Variants in KIF26A observed in about 807,000 individuals in gnomAD.
KIF26A encodes kinesin-like protein KIF26A.
KIF26A carries 74 observed loss-of-function variants against 126.0 expected under a neutral mutation model. That is an observed-to-expected ratio of 0.59 (90% confidence interval 0.49 to 0.71). The LOEUF is 0.71. KIF26A is among the 30% of genes least tolerant of loss of function. The pLI is 0.00. For synonymous variants in KIF26A, 1,445 were observed against 1,232.7 expected, an observed-to-expected ratio of 1.17 and a Z score of -3.61; for missense variants, 2,984 against 2,763.3, an observed-to-expected ratio of 1.08 and a Z score of -1.79.
intron 5 of KIF26A, among the ~76,000 whole-genome samples, chr14:104,168,478 G>A (rs1184708322): frequency 1.3e-5 from 2 of 152,210 alleles, no homozygotes; most frequent in East Asian, 1.9e-4. Flanking sequence ...GGGGCGGCCT[G>A]TGGGGCAGAC....
At chr14:104,139,412 C>T (rs2037615671) in intron 2 of KIF26A, 124 bp downstream of exon 2, 1 of 1,199,608 alleles carries the variant, frequency 8.3e-7, no homozygotes, top group Non-Finnish European at 1.1e-6. Flanking sequence ...AAAGAGTTAT[C>T]AGCCAGGACT....
In KIF26A at chr14:104,176,201, T is replaced by A. The variant is rs768012572; in HGVS notation, c.3413T>A (p.Leu1138Gln). 2.5e-6 allele frequency: 4 copies of A among 1,601,086 alleles called. No individual in the cohort carries two copies. In the South Asian group the frequency reaches 4.5e-5, roughly 18 times the overall value. Residue 1138 changes from leucine to glutamine, a missense_variant, in exon 12 of 15, where the codon CTG becomes CAG. Transcript: ENST00000423312. ...CAGCCCCGCTTCAGCCCCGACTCGC[T>A]GGCAGGGCTTGACCCTGGGGGCCCC... ...TPQPRFSPDS[L>Q]AGLDPGGPPA...
intron 5 of KIF26A, among the ~76,000 whole-genome samples, chr14:104,167,973 C>T (rs1428128627): frequency 2.0e-5 from 3 of 152,198 alleles, no homozygotes; most frequent in Non-Finnish European, 2.9e-5. Flanking sequence ...CTGGAGGGGA[C>T]GCTGTGCCCA....
rs757967402 is a variant in KIF26A, at chr14:104,175,656, T to G, written c.2868T>G (p.Pro956=). 1 of 1,609,508 alleles carries G rather than the reference T, an allele frequency of 6.2e-7. No individual in the cohort carries two copies. Among genetic ancestry groups the G allele is most frequent in the Non-Finnish European group, 8.5e-7 (1 of 1,179,076 alleles). Residue 956 remains proline, a synonymous_variant, in exon 12 of 15, where the codon CCT becomes CCG. Transcript: ENST00000423312. The stretch of plus-strand genomic sequence containing the variant: ...TGCCCAGCCCGGCTCCCCCACCTCC[T>G]CAGTTGCTGGAAGCCTGCAGAGCCC... ...RPLPSPAPPP[P]QLLEACRAPE...
chr14:104,151,394 G>C lies in KIF26A; in HGVS notation c.289-621G>C, dbSNP rs1397039172. Reference sequence around the variant, plus strand: ...GGGTGGGGGAGCTGGTGGAGTGTGCGGCGGGGGGTGGGGCCCTGGGCTGTA... The same window carrying C: ...GGGTGGGGGAGCTGGTGGAGTGTGCCGCGGGGGGTGGGGCCCTGGGCTGTA... On this transcript the variant is annotated intron_variant, in intron 2 of 14. Coordinates refer to ENST00000423312, the MANE Select transcript of KIF26A (RefSeq NM_015656.2). This position sits in a 1 kb window ranked among gnomAD's most constrained non-coding sequence, Gnocchi z 4.9. Among the ~76,000 whole-genome samples, 1 of 152,136 alleles carries C rather than the reference G, an allele frequency of 6.6e-6. No homozygotes were observed. The highest frequency in any genetic ancestry group is 1.5e-5 in the Non-Finnish European group (1 of 67,988).
intron 7 of KIF26A, 75 bp from the exon 8 acceptor site, chr14:104,172,902 C>T: frequency 6.9e-7 from 1 of 1,455,630 alleles, no homozygotes; most frequent in South Asian, 1.4e-5. Flanking sequence ...CCCTGGTTGG[C>T]CCCCGGGGAC....
rs778648532 is a variant in KIF26A at position 104,177,717 on chromosome 14, C to T, written c.4929C>T (p.Pro1643=). ...NSSVLSGELP[P]AMGRTALFHH... is the part of the protein sequence containing the mutation. ...GCGTGCTGAGTGGAGAGCTGCCGCC[C>T]GCCATGGGCCGCACCGCCCTTTTCC... The change falls in exon 12 of 15, where the codon CCC becomes CCT. Residue 1643 remains proline, a synonymous_variant. Transcript: ENST00000423312. 287 of 1,535,086 alleles carry T rather than the reference C, an allele frequency of 1.9e-4. No individual in the cohort carries two copies. Among genetic ancestry groups the T allele is most frequent in the Admixed American group, 5.1e-4 (26 of 51,088 alleles).
At position 104,173,526 on chromosome 14, in the gene KIF26A, C is replaced by A; in HGVS notation, c.1867+13C>A. The A allele has an allele frequency of 6.5e-7, 1 of 1,538,564 alleles. No individual in the cohort carries two copies. The highest frequency in any genetic ancestry group is 1.2e-5 in the South Asian group (1 of 80,064). ...GGCCGGGGAGGAAGTAGGTGCCACA[C>A]CCGCACTCCCGGGCCCCTGTGGGAT... On this transcript the variant is annotated intron_variant, in intron 9 of 14. Transcript: ENST00000423312.
rs1244946830 is a variant in KIF26A at position 104,173,145 on chromosome 14, T to C, written c.1589T>C (p.Leu530Pro). ...GAGGTGTGCGGGCGCGACCAGAGCCTGCGGGACCTGCTGGCCGAGGTGGCC... is the reference window on the plus strand; with the variant it reads ...GAGGTGTGCGGGCGCGACCAGAGCCCGCGGGACCTGCTGGCCGAGGTGGCC... Reference protein sequence around the residue: ...AVEVCGRDQSLRDLLAEVAPG... With the variant: ...AVEVCGRDQSPRDLLAEVAPG... Residue 530 changes from leucine to proline, a missense_variant, in exon 8 of 15, where the codon CTG becomes CCG. Leu to Pro is a moderately conservative substitution (Grantham distance 98). Coordinates refer to ENST00000423312, the MANE Select transcript of KIF26A (RefSeq NM_015656.2). The C allele has an allele frequency of 1.2e-6, 2 of 1,610,444 alleles. No individual in the cohort carries two copies. Among genetic ancestry groups the C allele is most frequent in the South Asian group, 1.1e-5 (1 of 90,692 alleles).
At position 104,138,742 on chromosome 14, in the gene KIF26A, C is replaced by T. The variant is rs912719457; in HGVS notation, c.20C>T (p.Pro7Leu). Residue 7 changes from proline (P) to leucine (L), a missense_variant, in exon 1 of 15, where the codon CCT becomes CTT. Coordinates refer to ENST00000423312, the MANE Select transcript of KIF26A (RefSeq NM_015656.2). Reference protein sequence around the residue: MVGRGVPLCAAQPAVAE... With the variant: MVGRGVLLCAAQPAVAE... ...CCGGCCATGGTCGGCCGCGGCGTCC[C>T]TCTGTGCGCTGCGCAGCCCGCGGTA... The T allele has an allele frequency of 1.3e-5, 17 of 1,268,976 alleles. No individual in the cohort carries two copies. The East Asian group carries it at 2.2e-4, about 17-fold the overall frequency. The allele number at this position is 1,268,976 out of a possible 1,614,324, so 78.6% of individuals were successfully genotyped here.
rs1202147642 is a variant in KIF26A at position 104,178,588 on chromosome 14, G to C, written c.5149G>C (p.Asp1717His). 6.6e-7 allele frequency: 1 copy of C among 1,523,806 alleles called. No homozygotes were observed. Among genetic ancestry groups the C allele is most frequent in the South Asian group, 1.2e-5 (1 of 81,904 alleles). 94.4% of individuals were successfully genotyped at this position (1,523,806 alleles called of 1,614,324 possible). ...GCGCCTGATTCCCGCCCCACTGCCC[G>C]ACACCACTGCCCTGGGCCGTAAGCC... ...RRRLIPAPLP[D>H]TTALGRKPSL... Residue 1717 changes from aspartate (D) to histidine (H), a missense_variant, in exon 13 of 15, where the codon GAC becomes CAC. Coordinates refer to ENST00000423312, the MANE Select transcript of KIF26A (RefSeq NM_015656.2).
intron 3 of KIF26A, among the ~76,000 whole-genome samples, chr14:104,157,270 C>T (rs929795806): frequency 1.8e-4 from 27 of 152,326 alleles, no homozygotes; most frequent in Non-Finnish European, 1.2e-4. Context: ...GAGCGCCACA[C>T]ATCACCGTAC....
intron 3 of KIF26A, among the ~76,000 whole-genome samples, chr14:104,154,698 A>T (rs936000184): frequency 2.6e-5 from 4 of 152,232 alleles, no homozygotes; most frequent in Admixed American, 1.3e-4. Flanking sequence ...ACATGCTGCG[A>T]ACCGTGGCCC....
chr14:104,152,491 G>A lies in KIF26A; in HGVS notation c.735+30G>A. 6.6e-7 allele frequency: 1 copy of A among 1,512,552 alleles called. No individual in the cohort carries two copies. Among genetic ancestry groups the A allele is most frequent in the South Asian group, 1.3e-5 (1 of 76,688 alleles). 93.7% of individuals were successfully genotyped at this position (1,512,552 alleles called of 1,614,324 possible). ...GTGTCTTGCTCAGCGGATGGGAGCTGCTGGCCTCCTTGTCAGAACTGGGCT... is the reference window on the plus strand; with the variant it reads ...GTGTCTTGCTCAGCGGATGGGAGCTACTGGCCTCCTTGTCAGAACTGGGCT... On this transcript the variant is annotated intron_variant, in intron 3 of 14. Transcript: ENST00000423312. The surrounding 1 kb of genome is among the most constrained non-coding windows in gnomAD (Gnocchi z 5.9).
Position 104,180,121 on chromosome 14 carries a change from T to G in KIF26A, c.*331T>G. 1 of 259,934 alleles carries G rather than the reference T, an allele frequency of 3.8e-6. No individual in the cohort carries two copies. 16.1% of individuals were successfully genotyped at this position (259,934 alleles called of 1,614,324 possible). A position where few individuals can be genotyped will look rare whatever the true frequency, so the allele number is the denominator to read the frequency against. On this transcript the variant is annotated 3_prime_UTR_variant, in exon 15 of 15. Coordinates refer to ENST00000423312, the MANE Select transcript of KIF26A (RefSeq NM_015656.2). ...GTTCAGCCCGGCCCCGCTGCGCCTG[T>G]CCGGGCCGGGGCTGGCGCCGGTTGT...
At chr14:104,169,697 A>G (rs1441545160) in intron 5 of KIF26A, among the ~76,000 whole-genome samples, 1 of 152,272 alleles carries the variant, frequency 6.6e-6, no homozygotes, top group African/African-American at 2.4e-5. Flanking sequence ...ACAGTGTGGT[A>G]TAAAAAAGAC....
At chr14:104,139,763 TG>T (rs936744274) in intron 2 of KIF26A, among the ~76,000 whole-genome samples, 1 of 152,170 alleles carries the variant, frequency 6.6e-6, no homozygotes, top group African/African-American at 2.4e-5. Context: ...CCACAGCAGC[TG>T]GGGGGTCCCT....
intron 3 of KIF26A, among the ~76,000 whole-genome samples, chr14:104,156,783 C>T (rs28384212): frequency 0.57 from 87,315 of 152,048 alleles, 25,327 homozygotes; most frequent in East Asian, 0.77. Flanking sequence ...ACCCTGAGGA[C>T]GCTGGGCCTT....
chr14:104,173,569 C>T (rs1442339451), intron 9 of KIF26A, 56 bp downstream of exon 9: 1 of 1,507,112 alleles, frequency 6.6e-7, no homozygotes, highest in Non-Finnish European at 8.9e-7. Flanking sequence ...AGCAGAGACC[C>T]AGGCACAGGG....
Sources: gnomAD v4.1 joint callset for allele counts (sites outside exome capture counted in the v4.1 genomes callset) on GRCh38, gnomAD v4.1.1 for gene constraint, Gnocchi (gnomAD v3.1) non-coding constraint, MANE v1.5 for transcripts, NCBI Gene and HGNC (gene_info 2026-07-23, HGNC 2026-07-21) for gene names.